Variants in FHIT observed in about 807,000 individuals in gnomAD.
FHIT encodes the protein fragile histidine triad diadenosine triphosphatase, also known as bis(5'-adenosyl)-triphosphatase.
A neutral mutation model predicts 17.9 loss-of-function variants in FHIT; 19 were observed. That is an observed-to-expected ratio of 1.06 (90% confidence interval 0.74 to 1.56). The LOEUF is 1.56. Ranked by LOEUF, FHIT falls within the 40% of genes most tolerant of loss-of-function variation. The pLI is 0.00. For missense variants in FHIT, 248 were observed against 189.2 expected, an observed-to-expected ratio of 1.31 and a Z score of -1.82; for synonymous variants, 81 against 69.7, an observed-to-expected ratio of 1.16 and a Z score of -0.81.
chr3:60,151,079 A>G (rs1417594590), intron 5 of FHIT, among the ~76,000 whole-genome samples: 1 of 152,124 alleles, frequency 6.6e-6, no homozygotes, highest in African/African-American at 2.4e-5. Flanking sequence ...GCATCTTTTC[A>G]CGGTTTTAGT....
intron 8 of FHIT, among the ~76,000 whole-genome samples, chr3:59,821,136 T>G (rs150745793): frequency 2.3e-4 from 35 of 152,094 alleles, no homozygotes; most frequent in African/African-American, 8.0e-4. Context: ...TGAGAGCAGG[T>G]TTCAGGTGAG....
chr3:61,245,938 G>T (rs1029523549), intron 1 of FHIT, among the ~76,000 whole-genome samples: 1 of 152,288 alleles, frequency 6.6e-6, no homozygotes, highest in Admixed American at 6.5e-5. Flanking sequence ...TTAGTCACAA[G>T]ATAAGATAGA....
At chr3:61,115,391 C>G (rs1031791860) in intron 2 of FHIT, among the ~76,000 whole-genome samples, 1 of 151,738 alleles carries the variant, frequency 6.6e-6, no homozygotes, top group African/African-American at 2.4e-5. Context: ...GAGGCAGGAG[C>G]GCCAAGAGTA....
intron 8 of FHIT, among the ~76,000 whole-genome samples, chr3:59,864,659 T>C (rs1278063199): frequency 1.3e-5 from 2 of 151,754 alleles, no homozygotes; most frequent in South Asian, 2.1e-4. Flanking sequence ...GCAGTTTCTT[T>C]GTTCTCATGA....
At chr3:59,773,198 C>T (rs2106841643) in intron 8 of FHIT, among the ~76,000 whole-genome samples, 1 of 152,274 alleles carries the variant, frequency 6.6e-6, no homozygotes, top group East Asian at 1.9e-4. Flanking sequence ...GACAAGCAGG[C>T]TTCGAGCAGA....
At chr3:60,936,511 G>A (rs938382629) in intron 3 of FHIT, among the ~76,000 whole-genome samples, 4 of 152,080 alleles carry the variant, frequency 2.6e-5, no homozygotes, top group African/African-American at 9.7e-5. Context: ...AAATGTTAAG[G>A]GTCTATTCAT....
intron 4 of FHIT, among the ~76,000 whole-genome samples, chr3:60,770,474 C>T (rs1399870485): frequency 6.6e-6 from 1 of 152,084 alleles, no homozygotes; most frequent in East Asian, 1.9e-4. Context: ...GGTCTGCCCT[C>T]CTCTTCTCAG....
At chr3:60,438,357 A>G (rs1223085555) in intron 5 of FHIT, among the ~76,000 whole-genome samples, 2 of 152,052 alleles carry the variant, frequency 1.3e-5, no homozygotes, top group East Asian at 3.9e-4. Context: ...ACCACCCAGA[A>G]CATGCTTACT....
intron 5 of FHIT, among the ~76,000 whole-genome samples, chr3:60,273,527 T>C (rs985400192): frequency 6.6e-6 from 1 of 152,016 alleles, no homozygotes; most frequent in Non-Finnish European, 1.5e-5. Flanking sequence ...GAGAATTGCT[T>C]GAACTTGGGA....
Position 60,732,300 on chromosome 3 carries a change from A to G in FHIT, c.-18+89619T>C. The G allele has an allele frequency of 8.4e-6, 8 of 948,324 alleles. No individual in the cohort carries two copies. In the South Asian group the frequency reaches 1.0e-4, roughly 12 times the overall value. The allele number at this position is 948,324 out of a possible 1,614,324, so 58.7% of individuals were successfully genotyped here. A position where few individuals can be genotyped will look rare whatever the true frequency, so the allele number is the denominator to read the frequency against. ...CCACTGAGTCTTGGCAGGGCACATG[A>G]AAAACTGGGAACCATTTGTGTTGGG... is the stretch of plus-strand genomic sequence containing the variant. On this transcript the variant is annotated intron_variant, in intron 4 of 9. Coordinates refer to ENST00000492590, the MANE Select transcript of FHIT (RefSeq NM_002012.4).
At chr3:59,818,532 A>AT (rs35651687) in intron 8 of FHIT, among the ~76,000 whole-genome samples, 89,886 of 152,002 alleles carry the variant, frequency 0.59, 28,505 homozygotes, top group Middle Eastern at 0.79. Context: ...GTAAAATGTG[A>AT]TCTACACAGT....
intron 4 of FHIT, among the ~76,000 whole-genome samples, chr3:60,574,396 A>T (rs186924701): frequency 5.6e-4 from 82 of 146,626 alleles, no homozygotes; most frequent in African/African-American, 1.9e-3. Context: ...GCTCTTCCTG[A>T]TGATTGTGAG....
At chr3:60,901,979 G>A (rs1392071971) in intron 3 of FHIT, among the ~76,000 whole-genome samples, 1 of 152,078 alleles carries the variant, frequency 6.6e-6, no homozygotes, top group African/African-American at 2.4e-5. Context: ...CCTCTGTTAA[G>A]TAATAGCATT....
intron 3 of FHIT, among the ~76,000 whole-genome samples, chr3:60,913,424 G>T (rs2107280909): frequency 6.6e-6 from 1 of 152,332 alleles, no homozygotes; most frequent in East Asian, 1.9e-4. Flanking sequence ...GGACTTCATA[G>T]AAATGCTGAG....
chr3:60,227,620 C>T (rs1704278878), intron 5 of FHIT, among the ~76,000 whole-genome samples: 1 of 152,136 alleles, frequency 6.6e-6, no homozygotes, highest in South Asian at 2.1e-4. Flanking sequence ...TTAATCTATA[C>T]CACATTTACC....
intron 5 of FHIT, among the ~76,000 whole-genome samples, chr3:60,264,259 T>C (rs949827885): frequency 1.1e-4 from 17 of 151,980 alleles, no homozygotes; most frequent in African/African-American, 2.4e-4. Flanking sequence ...TTCTCAAGTA[T>C]AGACATGATA....
intron 5 of FHIT, among the ~76,000 whole-genome samples, chr3:60,150,539 T>G: frequency 6.6e-6 from 1 of 152,208 alleles, no homozygotes; most frequent in Non-Finnish European, 1.5e-5. Flanking sequence ...CAGGCTGGAC[T>G]TGCATTCTTT....
chr3:60,402,805 T>G (rs972902570), intron 5 of FHIT, among the ~76,000 whole-genome samples: 8 of 152,200 alleles, frequency 5.3e-5, no homozygotes, highest in Non-Finnish European at 1.0e-4. Flanking sequence ...TGTATAGTCA[T>G]TGCTTCAAGA....
chr3:60,869,160 T>C (rs1337532788), intron 3 of FHIT, among the ~76,000 whole-genome samples: 1 of 152,150 alleles, frequency 6.6e-6, no homozygotes, highest in Non-Finnish European at 1.5e-5. Context: ...TTAAAGATAA[T>C]ACCTATTTCA....
Sources: allele counts gnomAD v4.1 joint callset (sites outside exome capture counted in the v4.1 genomes callset), GRCh38; gene constraint gnomAD v4.1.1; transcripts MANE v1.5; gene names NCBI Gene and HGNC (gene_info 2026-07-23, HGNC 2026-07-21).